Variants in SNW1 observed in about 807,000 individuals in gnomAD.
The protein encoded by SNW1 is SNW domain-containing protein 1.
In SNW1, 9 loss-of-function variants were observed where a neutral mutation model predicts 75.6. The observed-to-expected ratio is 0.12, with a 90% confidence interval of 0.07 to 0.21. The LOEUF (loss-of-function observed/expected upper bound fraction) is 0.21. Among genes scored for constraint, SNW1 ranks in the 10% least tolerant of loss-of-function variants. SNW1 has a pLI of 1.00. For missense variants in SNW1, 409 were observed against 670.9 expected, an observed-to-expected ratio of 0.61 and a Z score of 4.31; for synonymous variants, 200 against 219.1, an observed-to-expected ratio of 0.91 and a Z score of 0.77.
At chr14:77,751,921 T>C (rs2080812844) in intron 2 of SNW1, among the ~76,000 whole-genome samples, 1 of 151,856 alleles carries the variant, frequency 6.6e-6, no homozygotes, top group Non-Finnish European at 1.5e-5. Context: ...AAGAATGAGC[T>C]TGGTATATTT....
At chr14:77,760,381 C>T (rs918448354) in intron 1 of SNW1, among the ~76,000 whole-genome samples, 2 of 152,158 alleles carry the variant, frequency 1.3e-5, no homozygotes, top group African/African-American at 4.8e-5. Context: ...GAAAGTTTTT[C>T]CACTTAAAAT....
At chr14:77,745,064 C>T (rs2080750184) in intron 3 of SNW1, among the ~76,000 whole-genome samples, 1 of 152,016 alleles carries the variant, frequency 6.6e-6, no homozygotes, top group Admixed American at 6.6e-5. Flanking sequence ...AAGTAAGGCA[C>T]CAAAGACGGA....
At chr14:77,736,335 G>A (rs111227423) in intron 6 of SNW1, among the ~76,000 whole-genome samples, 24 of 152,256 alleles carry the variant, frequency 1.6e-4, no homozygotes, top group South Asian at 4.1e-4. Flanking sequence ...ATCGCCTGAC[G>A]TCAGGAGATC....
chr14:77,743,165 C>T (rs955806038), intron 3 of SNW1, among the ~76,000 whole-genome samples: 2 of 150,840 alleles, frequency 1.3e-5, no homozygotes, highest in African/African-American at 4.9e-5. Flanking sequence ...GCAGAGGTTG[C>T]GGTGAGCTGA....
intron 10 of SNW1, among the ~76,000 whole-genome samples, chr14:77,727,964 G>T (rs1448701095): frequency 1.3e-5 from 2 of 151,522 alleles, no homozygotes; most frequent in Non-Finnish European, 2.9e-5. Flanking sequence ...AGTAGAACTG[G>T]TATTTAGTTC....
chr14:77,735,847 TGACA>T, intron 7 of SNW1, 86 bp downstream of exon 7: 1 of 841,596 alleles, frequency 1.2e-6, no homozygotes, highest in South Asian at 1.6e-5. Flanking sequence ...GTCAGTGTGG[TGACA>T]TGCACCTGTA....
chr14:77,729,517 G>A (rs188696553), intron 10 of SNW1, among the ~76,000 whole-genome samples: 1 of 151,918 alleles, frequency 6.6e-6, no homozygotes, highest in Admixed American at 6.6e-5. Flanking sequence ...AGCAGCCAGG[G>A]AGGTCTTTTA....
At chr14:77,728,422 G>A (rs1003014895) in intron 10 of SNW1, among the ~76,000 whole-genome samples, 1 of 152,100 alleles carries the variant, frequency 6.6e-6, no homozygotes, top group African/African-American at 2.4e-5. Flanking sequence ...TTACACTTCA[G>A]CCTGGGCAAC....
intron 3 of SNW1, among the ~76,000 whole-genome samples, chr14:77,748,143 G>A (rs1371766592): frequency 6.6e-6 from 1 of 152,172 alleles, no homozygotes; most frequent in Non-Finnish European, 1.5e-5. Context: ...CATGTGCTGT[G>A]TCCACTCAGG....
chr14:77,742,959 C>T (rs971700994), intron 3 of SNW1, among the ~76,000 whole-genome samples: 1 of 151,986 alleles, frequency 6.6e-6, no homozygotes, highest in Non-Finnish European at 1.5e-5. Flanking sequence ...GGTGTGGTGG[C>T]TCATGCCTGT....
At chr14:77,722,197 T>C (rs1490783585) in intron 11 of SNW1, among the ~76,000 whole-genome samples, 1 of 152,202 alleles carries the variant, frequency 6.6e-6, no homozygotes, top group Non-Finnish European at 1.5e-5. Flanking sequence ...GCGTTCCCTC[T>C]ACTTTTCAGA....
chr14:77,724,987 C>G (rs992447142), intron 10 of SNW1, among the ~76,000 whole-genome samples: 2 of 152,140 alleles, frequency 1.3e-5, no homozygotes, highest in Admixed American at 6.5e-5. Flanking sequence ...AGTGTTCCCC[C>G]CCTTCTGTAT....
In SNW1 at chr14:77,747,065, C is replaced by T. The variant is rs368346109; in HGVS notation, c.330+4254G>A. Among the ~76,000 whole-genome samples, 28 of 152,228 alleles carry T rather than the reference C, an allele frequency of 1.8e-4. 1 individual carries two copies. The East Asian group carries it at 4.8e-3, about 26-fold the overall frequency. ...CCGAGTGCCTGGGATTGCAGGTGCG[C>T]GCCGCCACGCCTGACTGGTTTTCGT... On this transcript the variant is annotated intron_variant, in intron 3 of 13. Coordinates refer to ENST00000261531, the MANE Select transcript of SNW1 (RefSeq NM_012245.3).
intron 8 of SNW1, among the ~76,000 whole-genome samples, chr14:77,734,203 T>C (rs999604941): frequency 6.6e-6 from 1 of 152,222 alleles, no homozygotes; most frequent in Admixed American, 6.5e-5. Context: ...TTGGCAATTA[T>C]TAGAGATATA....
At chr14:77,735,266 A>C (rs1340541256) in intron 7 of SNW1, among the ~76,000 whole-genome samples, 2 of 152,186 alleles carry the variant, frequency 1.3e-5, no homozygotes, top group African/African-American at 4.8e-5. Flanking sequence ...GTATTTTTCC[A>C]TATTTAAAGT....
Position 77,724,889 on chromosome 14 carries a change from T to TAGTG in SNW1, c.1034-1616_1034-1613dup, listed in dbSNP as rs557063614. 2.5e-4 allele frequency among the ~76,000 whole-genome samples: 38 copies of TAGTG among 152,362 alleles called. No homozygotes were observed. In the East Asian group the frequency reaches 5.8e-3, roughly 23 times the overall value. On this transcript the variant is annotated intron_variant, in intron 10 of 13. Transcript: ENST00000261531. ...CCCAGCAGTGAATTGCTGGATCACGTAGTGGCTCTATTTTCAGTTTTTTGA... is the reference window on the plus strand; with the variant it reads ...CCCAGCAGTGAATTGCTGGATCACGTAGTGAGTGGCTCTATTTTCAGTTTTTTGA...
intron 10 of SNW1, among the ~76,000 whole-genome samples, chr14:77,730,454 G>GA (rs377086887): frequency 1.3e-4 from 20 of 150,212 alleles, no homozygotes; most frequent in African/African-American, 3.2e-4. Context: ...ATTTAGTAAT[G>GA]AAAAAAAAAT....
chr14:77,759,018 G>A (rs2080864267), intron 1 of SNW1, among the ~76,000 whole-genome samples: 1 of 152,232 alleles, frequency 6.6e-6, no homozygotes, highest in Admixed American at 6.5e-5. Flanking sequence ...ACAAACCAGG[G>A]TTCCCATGAC....
intron 1 of SNW1, among the ~76,000 whole-genome samples, chr14:77,759,774 G>A (rs1354450161): frequency 1.3e-5 from 2 of 151,934 alleles, no homozygotes; most frequent in South Asian, 4.1e-4. Flanking sequence ...CCAAGAGTTG[G>A]AGACCACTCT....
Sources: allele counts gnomAD v4.1 joint callset (sites outside exome capture counted in the v4.1 genomes callset), GRCh38; gene constraint gnomAD v4.1.1; transcripts MANE v1.5; gene names NCBI Gene and HGNC (gene_info 2026-07-23, HGNC 2026-07-21).